The following GUCY2F variants were observed in gnomAD, a reference collection of about 807,000 sequenced individuals.
GUCY2F encodes the protein retinal guanylyl cyclase 2.
In GUCY2F, 61 loss-of-function variants were observed where a neutral mutation model predicts 73.1. The ratio of observed to expected loss-of-function variants is 0.83; its 90% CI spans 0.68 to 1.03. GUCY2F has a LOEUF of 1.03. Among genes scored for constraint, GUCY2F ranks in the 50% least tolerant of loss-of-function variants. The pLI is 0.00. For synonymous variants in GUCY2F, 331 were observed against 307.8 expected, an observed-to-expected ratio of 1.08 and a Z score of -0.79; for missense variants, 912 against 854.3, an observed-to-expected ratio of 1.07 and a Z score of -0.84.
rs1371427825 is a variant in GUCY2F, at chrX:109,475,375, C to A, written c.562G>T (p.Ala188Ser). Residue 188 changes from alanine (A) to serine (S), a missense_variant, in exon 2 of 20, where the codon GCT becomes TCT. Physicochemically the swap from Ala to Ser is moderately conservative, Grantham distance 99. Coordinates refer to ENST00000218006, the MANE Select transcript of GUCY2F (RefSeq NM_001522.3). ...TCTTCATCTGAGGAAATGACTCCAG[C>A]ATGAGCCCACTGGAAATATTTCATG... The part of the protein sequence containing the change: ...TVMKYFQWAH[A>S]GVISSDEDIW... 8.3e-7 allele frequency: 1 copy of A among 1,210,106 alleles called. No homozygotes were observed. The highest frequency in any genetic ancestry group is 2.2e-5 in the Admixed American group (1 of 46,080).
intron 10 of GUCY2F, among the ~76,000 whole-genome samples, chrX:109,403,381 C>G (rs754710457): frequency 9.0e-6 from 1 of 111,646 alleles, no homozygotes; most frequent in Admixed American, 9.5e-5. Flanking sequence ...CTGGAGTTAT[C>G]TTATTATATC....
intron 14 of GUCY2F, among the ~76,000 whole-genome samples, chrX:109,391,311 C>T (rs972776151): frequency 2.8e-4 from 31 of 111,097 alleles, no homozygotes; most frequent in African/African-American, 1.0e-3. Context: ...GGCTTGCCAC[C>T]CCACAATTAA....
intron 8 of GUCY2F, among the ~76,000 whole-genome samples, chrX:109,416,546 A>G (rs1931246578): frequency 9.0e-6 from 1 of 111,178 alleles, no homozygotes; most frequent in South Asian, 3.7e-4. Flanking sequence ...AGACTAACAC[A>G]TAGGTAACTT....
In GUCY2F at chrX:109,392,999, C is replaced by T; in HGVS notation, c.2481G>A (p.Met827Ile). ...CCAAGTTGCTAGAATATTGCTCCAA[C>T]ATCCGAAGCATAGAATCAATAATAT... ...KTNIIDSMLR[M>I]LEQYSSNLED... is the part of the protein sequence containing the mutation. Residue 827 changes from methionine (M) to isoleucine (I), a missense_variant, in exon 13 of 20, where the codon ATG (methionine) becomes ATA (isoleucine). Met to Ile is a conservative substitution (Grantham distance 10, BLOSUM62 1). Coordinates refer to ENST00000218006, the MANE Select transcript of GUCY2F (RefSeq NM_001522.3). 9.0e-7 allele frequency: 1 copy of T among 1,111,367 alleles called. No individual in the cohort carries two copies. 91.6% of individuals were successfully genotyped at this position (1,111,367 alleles called of 1,213,427 possible).
At chrX:109,445,340 T>C (rs1332455161) in intron 6 of GUCY2F, among the ~76,000 whole-genome samples, 1 of 112,158 alleles carries the variant, frequency 8.9e-6, no homozygotes, top group Non-Finnish European at 1.9e-5. Context: ...AATATATTGT[T>C]GCCCTTGAAG....
intron 6 of GUCY2F, among the ~76,000 whole-genome samples, chrX:109,447,282 C>T (rs1932035334): frequency 9.0e-6 from 1 of 111,050 alleles, no homozygotes; most frequent in South Asian, 3.9e-4. Context: ...TGGGTATATA[C>T]CCAAAGGATT....
chrX:109,390,684 G>T (rs1272438966), intron 14 of GUCY2F, among the ~76,000 whole-genome samples: 1 of 112,525 alleles, frequency 8.9e-6, no homozygotes, highest in East Asian at 2.8e-4. Flanking sequence ...AATCATCTTT[G>T]ATTTTAGTTT....
chrX:109,475,161 C>G, intron 2 of GUCY2F, 46 bp downstream of exon 2: 1 of 1,153,140 alleles, frequency 8.7e-7, no homozygotes, highest in Non-Finnish European at 1.2e-6. Context: ...ATTGTAATCT[C>G]TTTCCCTGAA....
At chrX:109,451,481 A>AT (rs1430853898) in intron 5 of GUCY2F, among the ~76,000 whole-genome samples, 1 of 111,466 alleles carries the variant, frequency 9.0e-6, no homozygotes, top group Non-Finnish European at 1.9e-5. Flanking sequence ...AGGGGTTGAG[A>AT]TTTTACCATT....
At chrX:109,411,471 C>G (rs1931109626) in intron 8 of GUCY2F, among the ~76,000 whole-genome samples, 1 of 111,202 alleles carries the variant, frequency 9.0e-6, no homozygotes, top group Non-Finnish European at 1.9e-5. Flanking sequence ...CAGCTGAAAT[C>G]AAATACTTGC....
intron 10 of GUCY2F, among the ~76,000 whole-genome samples, chrX:109,401,675 A>T (rs1452607302): frequency 1.8e-5 from 2 of 111,315 alleles, no homozygotes; most frequent in East Asian, 5.7e-4. Context: ...AGTAATGCTA[A>T]TGAACTATGG....
intron 11 of GUCY2F, among the ~76,000 whole-genome samples, chrX:109,396,468 G>A (rs757011558): frequency 1.4e-4 from 16 of 111,384 alleles, no homozygotes; most frequent in East Asian, 5.6e-4. Flanking sequence ...AGATCTGGCC[G>A]TATCACTTTC....
At chrX:109,378,819 T>A (rs959056632) in intron 17 of GUCY2F, among the ~76,000 whole-genome samples, 1 of 111,973 alleles carries the variant, frequency 8.9e-6, no homozygotes, top group Non-Finnish European at 1.9e-5. Flanking sequence ...GAAAACAGCA[T>A]GAAGATTCCT....
intron 17 of GUCY2F, among the ~76,000 whole-genome samples, chrX:109,377,661 T>C (rs1376006851): frequency 8.9e-6 from 1 of 111,837 alleles, no homozygotes; most frequent in Non-Finnish European, 1.9e-5. Flanking sequence ...CTGGATCTTA[T>C]TTTGGAAAAA....
At chrX:109,424,343 G>A (rs1471091010) in intron 8 of GUCY2F, among the ~76,000 whole-genome samples, 1 of 111,994 alleles carries the variant, frequency 8.9e-6, no homozygotes, top group Non-Finnish European at 1.9e-5. Flanking sequence ...AGTTTGCAAT[G>A]TGAAGAATGG....
chrX:109,433,256 C>T (rs751029418), intron 7 of GUCY2F, among the ~76,000 whole-genome samples: 3 of 112,138 alleles, frequency 2.7e-5, no homozygotes, highest in African/African-American at 6.5e-5. Flanking sequence ...TTAAGTGCCA[C>T]GAGCAGCTAA....
At chrX:109,398,473 A>G (rs756784757) in intron 11 of GUCY2F, 76 bp downstream of exon 11, 205 of 956,529 alleles carry the variant, frequency 2.1e-4, no homozygotes, top group Non-Finnish European at 3.0e-4. Context: ...CTTCTGGAAA[A>G]TCATGACAGC....
In GUCY2F at chrX:109,388,480, G is replaced by A; in HGVS notation, c.2956+9C>T. ...TAGAATGTTTCCTCTTACTTTAACT[G>A]GTTATTACCTGAGTGAAGGCCAATT... is the stretch of plus-strand genomic sequence containing the variant. On this transcript the variant is annotated intron_variant, in intron 15 of 19. Coordinates refer to ENST00000218006, the MANE Select transcript of GUCY2F (RefSeq NM_001522.3). The A allele has an allele frequency of 1.7e-6, 2 of 1,181,254 alleles. No individual in the cohort carries two copies. Among genetic ancestry groups the A allele is most frequent in the Non-Finnish European group, 2.3e-6 (2 of 869,496 alleles).
chrX:109,470,101 A>G (rs1183546683), intron 2 of GUCY2F, among the ~76,000 whole-genome samples: 2 of 111,960 alleles, frequency 1.8e-5, no homozygotes, highest in Non-Finnish European at 3.8e-5. Flanking sequence ...TTGTATTGCA[A>G]TTTGTACAGC....
Sources: allele counts gnomAD v4.1 joint callset (sites outside exome capture counted in the v4.1 genomes callset), GRCh38; gene constraint gnomAD v4.1.1; transcripts MANE v1.5; gene names NCBI Gene and HGNC (gene_info 2026-07-23, HGNC 2026-07-21).